Variants in ANO7 observed in about 807,000 individuals in gnomAD.
ANO7 encodes the protein anoctamin-7.
In ANO7, 114 loss-of-function variants were observed where a neutral mutation model predicts 115.8. The ratio of observed to expected loss-of-function variants is 0.98; its 90% CI spans 0.85 to 1.15. The LOEUF (loss-of-function observed/expected upper bound fraction) is 1.15. Ranked by LOEUF, ANO7 falls within the 50% of genes most tolerant of loss-of-function variation. The pLI is 0.00. For missense variants in ANO7, 1,302 were observed against 1,201.2 expected, an observed-to-expected ratio of 1.08 and a Z score of -1.24; for synonymous variants, 550 against 498.2, an observed-to-expected ratio of 1.10 and a Z score of -1.38.
chr2:241,222,142 G>A (rs1416862644), intron 21 of ANO7, among the ~76,000 whole-genome samples: 4 of 151,998 alleles, frequency 2.6e-5, no homozygotes. Context: ...GCTGAGGCAG[G>A]AGAATCGCTT....
At chr2:241,201,502 C>T in intron 7 of ANO7, 147 bp downstream of exon 7, 1 of 820,260 alleles carries the variant, frequency 1.2e-6, no homozygotes, top group Non-Finnish European at 1.9e-6. Flanking sequence ...ACTTTAGAGG[C>T]TGACCTCACC....
the ANO7 span, among the ~76,000 whole-genome samples, chr2:241,234,138 A>G: frequency 6.6e-6 from 1 of 152,198 alleles, no homozygotes; most frequent in African/African-American, 2.4e-5. Flanking sequence ...ATTATCTGCT[A>G]ATAATGAGAA....
intron 9 of ANO7, 100 bp from the exon 10 acceptor site, chr2:241,204,765 T>TGA: frequency 1.2e-6 from 1 of 839,748 alleles, no homozygotes; most frequent in East Asian, 2.5e-5. Context: ...CAAGCTGGGC[T>TGA]GAGGGTGGTC....
chr2:241,209,776 A>G (rs1574781953), intron 13 of ANO7, 141 bp downstream of exon 13: 4 of 1,229,604 alleles, frequency 3.3e-6, no homozygotes, highest in African/African-American at 1.5e-5. Context: ...AGAGGCCCCC[A>G]TGTGCCCGGG....
intron 18 of ANO7, among the ~76,000 whole-genome samples, chr2:241,215,175 C>T (rs2068802898): frequency 2.0e-5 from 3 of 152,252 alleles, no homozygotes; most frequent in Admixed American, 1.3e-4. Context: ...GGGGTCTGGG[C>T]TCCTGGACCC....
chr2:241,226,119 C>T (rs1306683838), downstream of ANO7, among the ~76,000 whole-genome samples: 1 of 152,026 alleles, frequency 6.6e-6, no homozygotes, highest in Non-Finnish European at 1.5e-5. Flanking sequence ...CCACGTGCGC[C>T]CTACCCTGTG....
rs145834243 is a variant in ANO7 at position 241,210,463 on chromosome 2, G to T, written c.1459-5G>T. The T allele has an allele frequency of 8.7e-6, 14 of 1,613,850 alleles. No individual in the cohort carries two copies. In the African/African-American group the frequency reaches 1.9e-4, roughly 22 times the overall value. ...ATCCGGCTCTGACGGCCTGTCTCCC[G>T]TTAGGCCTCTCGCATCGCCAGCCTC... On this transcript the variant is annotated splice_region_variant and splice_polypyrimidine_tract_variant and intron_variant, in intron 14 of 24. Transcript: ENST00000674324.
At chr2:241,214,741 G>A in intron 17 of ANO7, 64 bp from the exon 18 acceptor site, 1 of 1,480,216 alleles carries the variant, frequency 6.8e-7, no homozygotes, top group Non-Finnish European at 9.3e-7. Context: ...TTTGAGACAA[G>A]AAGGGATGCG....
At chr2:241,240,268 G>A in the ANO7 span, 1 of 732,398 alleles carries the variant, frequency 1.4e-6, no homozygotes, top group Non-Finnish European at 2.4e-6. The surrounding 1 kb of genome is among the most constrained non-coding windows in gnomAD (Gnocchi z 5.5). Context: ...CCCCAAAATG[G>A]GGCTAGCACA....
chr2:241,229,816 A>G, downstream of ANO7: 1 of 593,206 alleles, frequency 1.7e-6, no homozygotes, highest in Non-Finnish European at 2.9e-6. Context: ...CCAGGAGGGC[A>G]GAAGCCCGCA....
At chr2:241,235,852 G>A in the ANO7 span, among the ~76,000 whole-genome samples, 6 of 152,274 alleles carry the variant, frequency 3.9e-5, no homozygotes, top group South Asian at 8.3e-4. Flanking sequence ...GCCCCTTCAG[G>A]CCCACGTAGG....
At chr2:241,219,633 T>G (rs933694675) in intron 21 of ANO7, among the ~76,000 whole-genome samples, 10 of 152,030 alleles carry the variant, frequency 6.6e-5, no homozygotes, top group African/African-American at 2.4e-4. Context: ...ACTGCCACAA[T>G]TATAGCTCAC....
intron 11 of ANO7, among the ~76,000 whole-genome samples, chr2:241,208,136 C>T (rs1181972180): frequency 6.6e-6 from 1 of 152,222 alleles, no homozygotes; most frequent in Non-Finnish European, 1.5e-5. Context: ...GGCCTCAGGG[C>T]CTCGCTTGTA....
intron 17 of ANO7, among the ~76,000 whole-genome samples, chr2:241,214,599 A>G (rs2068781455): frequency 6.6e-6 from 1 of 152,108 alleles, no homozygotes; most frequent in African/African-American, 2.4e-5. Flanking sequence ...GCAGCTTTCC[A>G]ATGCAGTCTT....
At chr2:241,236,763 C>T in the ANO7 span, 2 of 1,614,064 alleles carry the variant, frequency 1.2e-6, no homozygotes, top group South Asian at 1.1e-5. Flanking sequence ...TGGCTCTGTA[C>T]TGTGAACTAG....
chr2:241,203,466 G>T lies in ANO7; in HGVS notation c.857G>T (p.Gly286Val), dbSNP rs769985510. The T allele has an allele frequency of 3.8e-6, 6 of 1,561,598 alleles. No homozygotes were observed. The East Asian group carries it at 1.5e-4, about 38-fold the overall frequency. ...CTGGACCACGTGCGCAGGTACTTCGGGGAGAAGGTGGCCCTCTACTTCGCC... is the reference window on the plus strand; with the variant it reads ...CTGGACCACGTGCGCAGGTACTTCGTGGAGAAGGTGGCCCTCTACTTCGCC... ...QPLDHVRRYF[G>V]EKVALYFAWL... is the part of the protein sequence containing the mutation. Residue 286 changes from glycine (G) to valine (V), a missense_variant, in exon 9 of 25, where the codon GGG becomes GTG. By Grantham distance (109) the Gly-to-Val change is moderately radical. Transcript: ENST00000674324. This position sits in a 1 kb window ranked among gnomAD's most constrained non-coding sequence, Gnocchi z 4.8.
the ANO7 span, chr2:241,236,240 G>C: frequency 1.4e-3 from 404 of 279,160 alleles, 2 homozygotes; most frequent in South Asian, 2.3e-3. Flanking sequence ...GACACTGACT[G>C]CACACAAGGT....
In ANO7 at chr2:241,223,660, A is replaced by C. The variant is rs2069080960; in HGVS notation, c.2413-2A>C. 6.2e-7 allele frequency: 1 copy of C among 1,611,996 alleles called. No homozygotes were observed. Among genetic ancestry groups the C allele is most frequent in the Admixed American group, 1.7e-5 (1 of 59,722 alleles). On this transcript the variant is annotated splice_acceptor_variant, in intron 22 of 24. Coordinates refer to ENST00000674324, the MANE Select transcript of ANO7 (RefSeq NM_001370694.2). LOFTEE classifies it high-confidence loss of function. ...GGCGTGAGTGCCTTCCTCTGCTCCC[A>C]GCATGTGGTTTTCTCCGTTGGCCGC...
rs750956471 is a variant in ANO7 at position 241,188,785 on chromosome 2, C to T, written c.-8+19C>T. On this transcript the variant is annotated intron_variant, in intron 1 of 24. Coordinates refer to ENST00000674324, the MANE Select transcript of ANO7 (RefSeq NM_001370694.2). This position sits in a 1 kb window ranked among gnomAD's most constrained non-coding sequence, Gnocchi z 4.3. ...GTGCCAGGTGGGGACCCAGCCTAGA[C>T]GTGTGGGCCACAGGGAGAAGGTGGA... The T allele has an allele frequency of 1.0e-5, 16 of 1,607,310 alleles. No homozygotes were observed. The highest frequency in any genetic ancestry group is 6.7e-5 in the East Asian group (3 of 44,732).
Sources: gnomAD v4.1 joint callset for allele counts (sites outside exome capture counted in the v4.1 genomes callset) on GRCh38, gnomAD v4.1.1 for gene constraint, Gnocchi (gnomAD v3.1) non-coding constraint, MANE v1.5 for transcripts, NCBI Gene and HGNC (gene_info 2026-07-23, HGNC 2026-07-21) for gene names.